GUCY1A1: variants seen among roughly 807,000 people sequenced by gnomAD.
GUCY1A1 encodes the protein guanylate cyclase 1 soluble subunit alpha 1.
Under a neutral mutation model 64.5 loss-of-function variants are expected in GUCY1A1, and 48 were observed. The ratio of observed to expected loss-of-function variants is 0.74; its 90% confidence interval spans 0.59 to 0.95. GUCY1A1 has a LOEUF of 0.95. Among genes scored for constraint, GUCY1A1 ranks in the 40% least tolerant of loss-of-function variants. The probability of loss-of-function intolerance (pLI) is 0.00; values close to 1 mark genes in which losing one functional copy is unlikely to be tolerated. For synonymous variants in GUCY1A1, 308 were observed against 303.4 expected (o/e 1.02, Z -0.16); for missense variants, 804 against 825.3 (o/e 0.97, Z 0.32).
rs1732425136 is a variant in GUCY1A1, at chr4:155,710,581, A to T, written c.416A>T (p.Glu139Val). 6.2e-7 allele frequency: 1 copy of T among 1,610,980 alleles called. No homozygotes were observed. The change falls in exon 6 of 10, where the codon GAG becomes GTG. Residue 139 changes from glutamate to valine, a missense_variant. Transcript: ENST00000506455. ...VEVIKESLGE[E>V]VFKICYEEDE... The stretch of plus-strand genomic sequence containing the variant: ...GTTATCAAAGAATCTCTTGGTGAAG[A>T]GGTTTTTAAAATATGTTACGAGGAA...
rs758087187 is a variant in GUCY1A1, at chr4:155,708,195, T to G, written c.318-41T>G. 7.5e-6 allele frequency: 7 copies of G among 935,770 alleles called. No homozygotes were observed. The East Asian group carries it at 1.7e-4, about 23-fold the overall frequency. The allele number at this position is 935,770 out of a possible 1,614,324, so 58.0% of individuals were successfully genotyped here. A position where few individuals can be genotyped will look rare whatever the true frequency, so the allele number is the denominator to read the frequency against. On this transcript the variant is annotated intron_variant, in intron 4 of 9. Transcript: ENST00000506455. ...TATTATAATCTGAACTTTTAGCATG[T>G]ATTTATAAGTTTATAACTTAAAATA...
chr4:155,685,574 A>G (rs1409231574), intron 2 of GUCY1A1, among the ~76,000 whole-genome samples: 1 of 138,466 alleles, frequency 7.2e-6, no homozygotes, highest in Non-Finnish European at 1.5e-5. Flanking sequence ...AACCGCCTCC[A>G]TTGATGCATC....
intron 8 of GUCY1A1, among the ~76,000 whole-genome samples, chr4:155,721,539 G>A (rs1319496108): frequency 1.3e-5 from 2 of 152,114 alleles, no homozygotes; most frequent in African/African-American, 4.8e-5. Flanking sequence ...CATTAGAACA[G>A]TGGGATAGTG....
At chr4:155,679,346 A>G (rs910425372) in intron 2 of GUCY1A1, among the ~76,000 whole-genome samples, 1 of 152,192 alleles carries the variant, frequency 6.6e-6, no homozygotes. Context: ...GAAGTTGGAT[A>G]ATTTATTTAC....
rs956211537 is a variant in GUCY1A1, at chr4:155,732,552, G to A, written c.*2321G>A. ...TATCTTATCTGCTTTGAAGCATAGC[G>A]ATTAGCGAGAAACTTTTCAGATCCA... On this transcript the variant is annotated 3_prime_UTR_variant, in exon 10 of 10. Transcript: ENST00000506455. 2.6e-5 allele frequency among the ~76,000 whole-genome samples: 4 copies of A among 151,788 alleles called. No individual in the cohort carries two copies. The highest frequency in any genetic ancestry group is 6.6e-5 in the Admixed American group (1 of 15,196).
At chr4:155,685,278 TCAA>T (rs1355086834) in intron 2 of GUCY1A1, among the ~76,000 whole-genome samples, 2 of 152,174 alleles carry the variant, frequency 1.3e-5, no homozygotes, top group African/African-American at 2.4e-5. Context: ...CAGGAGTCAG[TCAA>T]CAGACCCCAT....
rs1399664238 is a variant in GUCY1A1, at chr4:155,682,447, G to A, written c.-112-14309G>A. ...ATTCCAGCACTTTGGGAGGCTGAGC[G>A]GGGCGGATCACGAGGTTAGGAGTTC... On this transcript the variant is annotated intron_variant, in intron 2 of 9. Coordinates refer to ENST00000506455, the MANE Select transcript of GUCY1A1 (RefSeq NM_001130682.3). 3.9e-5 allele frequency among the ~76,000 whole-genome samples: 6 copies of A among 152,132 alleles called. No homozygotes were observed. The South Asian group carries it at 6.2e-4, about 16-fold the overall frequency.
Position 155,717,168 on chromosome 4 carries a change from A to T in GUCY1A1, c.1582A>T (p.Ile528Phe). 6.6e-7 allele frequency: 1 copy of T among 1,507,232 alleles called. No homozygotes were observed. Among genetic ancestry groups the T allele is most frequent in the Non-Finnish European group, 8.9e-7 (1 of 1,117,806 alleles). 93.4% of individuals were successfully genotyped at this position (1,507,232 alleles called of 1,614,324 possible). ...AATATATTATGTCTAGGTGGAGACC[A>T]TTGGCGATGCCTATTGTGTAGCTGG... ...GELDVYKVETIGDAYCVAGGL... is the reference protein window; with the variant it reads ...GELDVYKVETFGDAYCVAGGL... The change falls in exon 8 of 10, where the codon ATT becomes TTT. Residue 528 changes from isoleucine (I) to phenylalanine (F), a missense_variant. Ile to Phe is a conservative substitution (Grantham distance 21). Transcript: ENST00000506455.
At chr4:155,721,534 G>A (rs1246563885) in intron 8 of GUCY1A1, among the ~76,000 whole-genome samples, 1 of 152,108 alleles carries the variant, frequency 6.6e-6, no homozygotes, top group South Asian at 2.1e-4. Context: ...TAAGTCATTA[G>A]AACAGTGGGA....
In GUCY1A1 at chr4:155,681,306, G is replaced by T. The variant is rs181885047; in HGVS notation, c.-113+13887G>T. Among the ~76,000 whole-genome samples the T allele has an allele frequency of 1.9e-3, 285 of 152,212 alleles. 2 individuals carry two copies. The highest frequency in any genetic ancestry group is 6.2e-3 in the Admixed American group (95 of 15,288). On this transcript the variant is annotated intron_variant, in intron 2 of 9. Transcript: ENST00000506455. ...GACCCTGTACTTTGAGCTAACTTTT[G>T]TGCTCTGTATAGTAAGTATTTCTAT...
rs536128280 is a variant in GUCY1A1, at chr4:155,719,096, G to C, written c.1716+1794G>C. The stretch of plus-strand genomic sequence containing the variant: ...TTTATAATTAAGATGTGTATGTTTG[G>C]GGTGGGGGAATTTATGGCATTTTTG... On this transcript the variant is annotated intron_variant, in intron 8 of 9. Transcript: ENST00000506455. 1.1e-4 allele frequency among the ~76,000 whole-genome samples: 17 copies of C among 152,120 alleles called. 1 individual carries two copies. In the South Asian group the frequency reaches 3.3e-3, roughly 30 times the overall value.
chr4:155,674,673 G>A (rs1046877210), intron 2 of GUCY1A1, among the ~76,000 whole-genome samples: 1 of 151,424 alleles, frequency 6.6e-6, no homozygotes, highest in Non-Finnish European at 1.5e-5. Flanking sequence ...ATTTCTCACT[G>A]GAAGATCTTT....
At chr4:155,688,100 C>T (rs1579030008) in intron 2 of GUCY1A1, among the ~76,000 whole-genome samples, 2 of 151,698 alleles carry the variant, frequency 1.3e-5, no homozygotes, top group Admixed American at 6.6e-5. Flanking sequence ...TGGTGGCGGG[C>T]GCCTGTAGTC....
At chr4:155,692,672 G>T (rs1323081699) in intron 2 of GUCY1A1, among the ~76,000 whole-genome samples, 1 of 152,162 alleles carries the variant, frequency 6.6e-6, no homozygotes, top group East Asian at 1.9e-4. Flanking sequence ...GTGTATCAGT[G>T]CCAGAGAGTG....
rs550557440 is a variant in GUCY1A1 at position 155,735,538 on chromosome 4, T to A, written c.*5307T>A. 6.6e-6 allele frequency: 1 copy of A among 152,122 alleles called. No homozygotes were observed. Among genetic ancestry groups the A allele is most frequent in the African/African-American group, 2.4e-5 (1 of 41,552 alleles). 9.4% of individuals were successfully genotyped at this position (152,122 alleles called of 1,614,324 possible). On this transcript the variant is annotated 3_prime_UTR_variant, in exon 10 of 10. Transcript: ENST00000506455. ...GGTTGTGGCTGCCTGTCAAGTTTTT[T>A]AATTTTTTAAATTATATAATGTCAG...
intron 5 of GUCY1A1, among the ~76,000 whole-genome samples, chr4:155,709,456 G>C (rs964263013): frequency 2.0e-5 from 3 of 151,928 alleles, no homozygotes; most frequent in African/African-American, 7.3e-5. Flanking sequence ...ATTATGTATC[G>C]TTTACAATAC....
At chr4:155,701,640 C>T (rs1309641718) in intron 3 of GUCY1A1, among the ~76,000 whole-genome samples, 3 of 151,892 alleles carry the variant, frequency 2.0e-5, no homozygotes, top group East Asian at 1.9e-4. Flanking sequence ...CCCTGGCCCA[C>T]AAAATGTTCC....
intron 9 of GUCY1A1, among the ~76,000 whole-genome samples, chr4:155,722,915 T>C (rs1734155276): frequency 6.6e-6 from 1 of 152,024 alleles, no homozygotes; most frequent in South Asian, 2.1e-4. Flanking sequence ...TTGAGTTTGG[T>C]GTATGGAGTC....
At position 155,733,486 on chromosome 4, in the gene GUCY1A1, T is replaced by C. The variant is rs1329566982; in HGVS notation, c.*3255T>C. On this transcript the variant is annotated 3_prime_UTR_variant, in exon 10 of 10. Transcript: ENST00000506455. Reference sequence around the variant, plus strand: ...AAGGGGTATGTGTGTCATGTAAAGGTGTGCCATGATAGTTATTCATATTGC... The same window carrying C: ...AAGGGGTATGTGTGTCATGTAAAGGCGTGCCATGATAGTTATTCATATTGC... 6.6e-6 allele frequency among the ~76,000 whole-genome samples: 1 copy of C among 151,712 alleles called. No individual in the cohort carries two copies. The highest frequency in any genetic ancestry group is 1.5e-5 in the Non-Finnish European group (1 of 67,860).
Sources: gnomAD v4.1 joint callset for allele counts (sites outside exome capture counted in the v4.1 genomes callset) on GRCh38, gnomAD v4.1.1 for gene constraint, MANE v1.5 for transcripts, NCBI Gene and HGNC (gene_info 2026-07-23, HGNC 2026-07-21) for gene names.